The following GRID2 variants were observed in gnomAD, a reference collection of about 807,000 sequenced individuals.
The protein encoded by GRID2 is glutamate receptor ionotropic, delta-2.
GRID2 carries 33 observed loss-of-function variants against 114.8 expected under a neutral mutation model. The ratio of observed to expected loss-of-function variants is 0.29; its 90% confidence interval spans 0.22 to 0.38. GRID2 has a LOEUF of 0.38. Ranked by LOEUF, GRID2 falls within the 10% of genes least tolerant of loss-of-function variation. The probability of loss-of-function intolerance (pLI) is 1.00; values close to 1 mark genes in which losing one functional copy is unlikely to be tolerated. For synonymous variants in GRID2, 505 were observed against 449.9 expected, an observed-to-expected ratio of 1.12 and a Z score of -1.55; for missense variants, 1,184 against 1,257.7, an observed-to-expected ratio of 0.94 and a Z score of 0.89.
At chr4:93,729,823 C>A (rs1390184313) in intron 14 of GRID2, among the ~76,000 whole-genome samples, 1 of 152,134 alleles carries the variant, frequency 6.6e-6, no homozygotes, top group Non-Finnish European at 1.5e-5. Context: ...TTTGTACTTA[C>A]TGCGTAACAC....
At chr4:93,084,115 G>C (rs1465469826) in intron 2 of GRID2, among the ~76,000 whole-genome samples, 1 of 150,366 alleles carries the variant, frequency 6.7e-6, no homozygotes, top group Non-Finnish European at 1.5e-5. Flanking sequence ...TTTCTTCACT[G>C]ATTTTTGAAC....
At chr4:92,559,455 A>G (rs765167484) in intron 1 of GRID2, among the ~76,000 whole-genome samples, 1 of 152,174 alleles carries the variant, frequency 6.6e-6, no homozygotes, top group African/African-American at 2.4e-5. Flanking sequence ...TGCCTCAATG[A>G]GTACTTCCTT....
At chr4:93,799,491 G>A (rs1036063274) in intron 1 of GRID2, among the ~76,000 whole-genome samples, 2 of 151,738 alleles carry the variant, frequency 1.3e-5, no homozygotes, top group African/African-American at 4.8e-5. Context: ...GCATATTTGA[G>A]GGGAGGGAAT....
In GRID2 at chr4:92,489,296, C is replaced by G. The variant is rs150417590; in HGVS notation, c.89-100835C>G. ...TATATTCATTCAGATATTTTTAAAA[C>G]ATCCATGTCCTAAATGTTATTTAAG... is the stretch of plus-strand genomic sequence containing the variant. On this transcript the variant is annotated intron_variant, in intron 1 of 15. Coordinates refer to ENST00000282020, the MANE Select transcript of GRID2 (RefSeq NM_001510.4). Among the ~76,000 whole-genome samples the G allele has an allele frequency of 7.8e-3, 1,181 of 152,170 alleles. 14 individuals are homozygous for G. The highest frequency in any genetic ancestry group is 0.026 in the African/African-American group (1,081 of 41,508).
intron 8 of GRID2, among the ~76,000 whole-genome samples, chr4:93,244,320 T>C (rs1303089106): frequency 6.6e-6 from 1 of 151,752 alleles, no homozygotes; most frequent in Non-Finnish European, 1.5e-5. Flanking sequence ...CATAAGTTGG[T>C]AAAATAAAAT....
intron 4 of GRID2, among the ~76,000 whole-genome samples, chr4:93,205,549 G>A (rs1453393263): frequency 2.0e-5 from 3 of 152,224 alleles, no homozygotes; most frequent in African/African-American, 7.2e-5. Flanking sequence ...GCTTAATCCA[G>A]TCTATCGTTG....
intron 14 of GRID2, among the ~76,000 whole-genome samples, chr4:93,743,188 T>C (rs1002265360): frequency 3.9e-5 from 6 of 152,218 alleles, no homozygotes; most frequent in Non-Finnish European, 8.8e-5. Context: ...AAGATCCTAA[T>C]GCTCTTCAAC....
At chr4:93,153,635 G>A (rs1012499614) in intron 4 of GRID2, among the ~76,000 whole-genome samples, 1 of 152,014 alleles carries the variant, frequency 6.6e-6, no homozygotes, top group African/African-American at 2.4e-5. Flanking sequence ...CCCTTCAACA[G>A]ATCCAGTGGT....
intron 8 of GRID2, among the ~76,000 whole-genome samples, chr4:93,321,448 A>G (rs1021732888): frequency 4.6e-5 from 7 of 152,128 alleles, no homozygotes; most frequent in African/African-American, 1.2e-4. Flanking sequence ...GATAAGAAAT[A>G]TGGAAAGAAG....
intron 2 of GRID2, among the ~76,000 whole-genome samples, chr4:92,787,106 G>A (rs1309946343): frequency 6.6e-6 from 1 of 151,980 alleles, no homozygotes; most frequent in South Asian, 2.1e-4. Flanking sequence ...GGTTTCTCTA[G>A]AGAACATACC....
intron 8 of GRID2, among the ~76,000 whole-genome samples, chr4:93,292,887 G>A (rs766752805): frequency 3.9e-5 from 6 of 152,138 alleles, no homozygotes; most frequent in Non-Finnish European, 4.4e-5. Context: ...AATACAGTAA[G>A]CCCCAGTAAA....
intron 2 of GRID2, among the ~76,000 whole-genome samples, chr4:92,737,114 T>A (rs1383468136): frequency 6.6e-6 from 1 of 152,112 alleles, no homozygotes; most frequent in Non-Finnish European, 1.5e-5. Context: ...TCAATAATGA[T>A]AAATGCAGCT....
intron 13 of GRID2, among the ~76,000 whole-genome samples, chr4:93,525,233 T>A (rs190972254): frequency 7.6e-4 from 116 of 152,020 alleles, no homozygotes; most frequent in African/African-American, 2.7e-3. Flanking sequence ...CTAAAGGAAG[T>A]GATATTAAAC....
intron 2 of GRID2, among the ~76,000 whole-genome samples, chr4:93,038,413 C>T (rs1403825376): frequency 6.6e-6 from 1 of 152,124 alleles, no homozygotes; most frequent in Non-Finnish European, 1.5e-5. Flanking sequence ...AAAAAGAGTT[C>T]ATCATCACTG....
chr4:93,653,073 G>A (rs1722728369), intron 14 of GRID2, among the ~76,000 whole-genome samples: 1 of 152,128 alleles, frequency 6.6e-6, no homozygotes, highest in African/African-American at 2.4e-5. Flanking sequence ...TTGATTATTA[G>A]TTGTCTGAGA....
At chr4:92,344,254 C>T (rs1579211484) in intron 1 of GRID2, among the ~76,000 whole-genome samples, 3 of 152,124 alleles carry the variant, frequency 2.0e-5, no homozygotes, top group Admixed American at 2.0e-4. Flanking sequence ...ACCTATTCCC[C>T]TTCCTCAATT....
At chr4:93,304,624 AATG>A (rs1203386503) in intron 8 of GRID2, among the ~76,000 whole-genome samples, 1 of 152,204 alleles carries the variant, frequency 6.6e-6, no homozygotes, top group African/African-American at 2.4e-5. Flanking sequence ...CACTACAAGG[AATG>A]TAAAGAGGCC....
chr4:92,647,308 A>ATT (rs1050674603), intron 2 of GRID2, among the ~76,000 whole-genome samples: 1 of 31,444 alleles, frequency 3.2e-5, no homozygotes. Context: ...CTATTGTAAG[A>ATT]TTTTTTTTGT....
At chr4:93,000,713 TGTCAAGTAG>T (rs1266069193) in intron 2 of GRID2, among the ~76,000 whole-genome samples, 2 of 150,750 alleles carry the variant, frequency 1.3e-5, no homozygotes, top group Non-Finnish European at 1.5e-5. Flanking sequence ...ATAATAAGTA[TGTCAAGTAG>T]TTTTTATTTT....
Sources: gnomAD v4.1 joint callset for allele counts (sites outside exome capture counted in the v4.1 genomes callset) on GRCh38, gnomAD v4.1.1 for gene constraint, MANE v1.5 for transcripts, NCBI Gene and HGNC (gene_info 2026-07-23, HGNC 2026-07-21) for gene names.